The following PTPRJ variants were observed in gnomAD, a reference collection of about 807,000 sequenced individuals.
PTPRJ encodes the protein receptor-type tyrosine-protein phosphatase eta.
PTPRJ carries 129 observed loss-of-function variants against 141.3 expected under a neutral mutation model. The observed-to-expected ratio is 0.91, with a 90% CI of 0.79 to 1.06. The LOEUF is 1.06. Among genes scored for constraint, PTPRJ ranks in the 50% least tolerant of loss-of-function variants. The pLI is 0.00. For synonymous variants in PTPRJ, 610 were observed against 640.5 expected (o/e 0.95, Z 0.72); for missense variants, 1,601 against 1,679.7 (o/e 0.95, Z 0.82).
chr11:48,141,783 T>C (rs567178801), intron 11 of PTPRJ, among the ~76,000 whole-genome samples: 1 of 152,318 alleles, frequency 6.6e-6, no homozygotes, highest in South Asian at 2.1e-4. Context: ...GCAAGGATAC[T>C]AGCTTCTTAC....
intron 12 of PTPRJ, among the ~76,000 whole-genome samples, chr11:48,143,849 C>T (rs941389324): frequency 1.4e-5 from 2 of 142,264 alleles, no homozygotes; most frequent in Admixed American, 7.1e-5. Context: ...TCCTCCTCCC[C>T]TTCTCCCCTT....
rs529913410 is a variant in PTPRJ at position 48,150,874 on chromosome 11, A to C, written c.3138+691A>C. 4.6e-5 allele frequency among the ~76,000 whole-genome samples: 7 copies of C among 152,334 alleles called. No homozygotes were observed. In the South Asian group the frequency reaches 1.5e-3, roughly 32 times the overall value. On this transcript the variant is annotated intron_variant, in intron 18 of 24. Transcript: ENST00000418331. ...CTTGAAATCCTGCTCAGCACTCAGC[A>C]CAGTGCACATGCTGCTTCCTCCATG...
chr11:48,021,288 C>T (rs956075307), intron 1 of PTPRJ, among the ~76,000 whole-genome samples: 3 of 151,904 alleles, frequency 2.0e-5, no homozygotes, highest in Non-Finnish European at 2.9e-5. Context: ...GCAGGAGAAT[C>T]GCTTGAACCC....
At chr11:47,992,062 T>G (rs933448568) in intron 1 of PTPRJ, among the ~76,000 whole-genome samples, 14 of 152,238 alleles carry the variant, frequency 9.2e-5, no homozygotes, top group African/African-American at 3.4e-4. Context: ...GTCATTGTTA[T>G]TGCCATTTAA....
chr11:48,126,598 A>C (rs1342156710), intron 6 of PTPRJ, among the ~76,000 whole-genome samples: 1 of 151,972 alleles, frequency 6.6e-6, no homozygotes, highest in Non-Finnish European at 1.5e-5. Flanking sequence ...ACGTGGTTGA[A>C]GGGGTGAGGG....
At chr11:48,136,896 A>C in intron 9 of PTPRJ, 107 bp from the exon 10 acceptor site, 1 of 1,151,496 alleles carries the variant, frequency 8.7e-7, no homozygotes, top group Non-Finnish European at 1.2e-6. Flanking sequence ...TACTAGTTTT[A>C]TTCATTCTTT....
chr11:48,150,949 G>A (rs12285789), intron 18 of PTPRJ, among the ~76,000 whole-genome samples: 9,223 of 152,210 alleles, frequency 0.061, 968 homozygotes, highest in African/African-American at 0.21. Context: ...TGCTCAGACT[G>A]CCTTGTTTCC....
intron 1 of PTPRJ, among the ~76,000 whole-genome samples, chr11:48,042,213 C>T (rs981968503): frequency 1.3e-5 from 2 of 152,232 alleles, no homozygotes; most frequent in East Asian, 3.9e-4. Context: ...TATAAGGGGT[C>T]TCTTCAGTGT....
intron 1 of PTPRJ, among the ~76,000 whole-genome samples, chr11:48,053,607 T>G (rs1854666723): frequency 6.9e-6 from 1 of 145,334 alleles, no homozygotes; most frequent in Admixed American, 7.3e-5. Flanking sequence ...GAGACAGTCT[T>G]GCTGTGTTGC....
chr11:48,129,192 T>C (rs1856911885), intron 7 of PTPRJ, among the ~76,000 whole-genome samples: 1 of 152,190 alleles, frequency 6.6e-6, no homozygotes, highest in Non-Finnish European at 1.5e-5. Context: ...TGCAGAATCA[T>C]TGGAAGAGCT....
At chr11:48,101,750 A>G (rs1856155546) in intron 1 of PTPRJ, among the ~76,000 whole-genome samples, 1 of 152,208 alleles carries the variant, frequency 6.6e-6, no homozygotes, top group African/African-American at 2.4e-5. Flanking sequence ...TCCGTATTCT[A>G]AGGTGGACGA....
At chr11:48,165,767 G>C (rs1195589371) in intron 24 of PTPRJ, among the ~76,000 whole-genome samples, 1 of 151,996 alleles carries the variant, frequency 6.6e-6, no homozygotes, top group African/African-American at 2.4e-5. Context: ...GAGAAACATA[G>C]AACTCTTATC....
intron 3 of PTPRJ, among the ~76,000 whole-genome samples, chr11:48,114,295 G>C (rs999171977): frequency 6.6e-6 from 1 of 151,658 alleles, no homozygotes; most frequent in African/African-American, 2.4e-5. Flanking sequence ...AAAATTAGCC[G>C]GGTGTGGTCA....
intron 1 of PTPRJ, among the ~76,000 whole-genome samples, chr11:48,104,288 A>G (rs1387967431): frequency 6.6e-6 from 1 of 152,168 alleles, no homozygotes; most frequent in Non-Finnish European, 1.5e-5. Context: ...TGTCATTTTA[A>G]TGATTTACCT....
chr11:48,038,290 G>A (rs1418779393), intron 1 of PTPRJ, among the ~76,000 whole-genome samples: 1 of 152,132 alleles, frequency 6.6e-6, no homozygotes, highest in Non-Finnish European at 1.5e-5. Context: ...GAGAGTTCCT[G>A]TCAAGAGTGT....
intron 1 of PTPRJ, among the ~76,000 whole-genome samples, chr11:48,006,287 G>GGAGA (rs145043503): frequency 2.6e-5 from 4 of 151,024 alleles, no homozygotes; most frequent in Admixed American, 2.6e-4. Context: ...AGGAAGAGTG[G>GGAGA]GAGAGAGAGA....
chr11:47,995,150 A>G (rs1168720757), intron 1 of PTPRJ, among the ~76,000 whole-genome samples: 26 of 152,164 alleles, frequency 1.7e-4, no homozygotes, highest in Non-Finnish European at 1.5e-5. Flanking sequence ...GATAGGCCCT[A>G]TTCAGTTGAC....
rs1853868314 is a variant in PTPRJ, at chr11:47,980,592, G to C, written c.-321G>C. On this transcript the variant is annotated 5_prime_UTR_variant, in exon 1 of 25. Coordinates refer to ENST00000418331, the MANE Select transcript of PTPRJ (RefSeq NM_002843.4). ...CCGCATGACGCGCGGAGGAGGCAGC[G>C]GGAGCAGCCGCGGGAGCCGGGACCG... is the stretch of plus-strand genomic sequence containing the variant. 2.0e-6 allele frequency: 2 copies of C among 983,108 alleles called. No individual in the cohort carries two copies. The highest frequency in any genetic ancestry group is 2.4e-6 in the Non-Finnish European group (2 of 829,124). 60.9% of individuals were successfully genotyped at this position (983,108 alleles called of 1,614,324 possible). A position where few individuals can be genotyped will look rare whatever the true frequency, so the allele number is the denominator to read the frequency against.
At chr11:48,061,505 T>C (rs1051814451) in intron 1 of PTPRJ, among the ~76,000 whole-genome samples, 5 of 152,210 alleles carry the variant, frequency 3.3e-5, no homozygotes, top group Non-Finnish European at 7.3e-5. Flanking sequence ...TGCTGTGTCA[T>C]GCACAGTAAT....
Sources: allele counts gnomAD v4.1 joint callset (sites outside exome capture counted in the v4.1 genomes callset), GRCh38; gene constraint gnomAD v4.1.1; transcripts MANE v1.5; gene names NCBI Gene and HGNC (gene_info 2026-07-23, HGNC 2026-07-21).